NELL2: variants seen among roughly 807,000 people sequenced by gnomAD.
The protein encoded by NELL2 is neural EGFL like 2, also known as protein kinase C-binding protein NELL2.
Under a neutral mutation model 109.6 loss-of-function variants are expected in NELL2, and 41 were observed. The observed-to-expected ratio is 0.37, with a 90% confidence interval of 0.29 to 0.49. The LOEUF is 0.49. NELL2 is among the 20% of genes least tolerant of loss of function. The pLI, the probability that NELL2 is intolerant of heterozygous loss-of-function variation, is 0.98. For missense variants in NELL2, 900 were observed against 1,008.3 expected (o/e 0.89, Z 1.45); for synonymous variants, 355 against 344.7 (o/e 1.03, Z -0.33).
At chr12:44,619,673 T>C (rs755090109) in intron 13 of NELL2, among the ~76,000 whole-genome samples, 8 of 151,622 alleles carry the variant, frequency 5.3e-5, no homozygotes, top group Non-Finnish European at 1.2e-4. Flanking sequence ...AGGAGGGATG[T>C]TGACAACAAA....
At chr12:44,749,092 C>T (rs1260548946) in intron 9 of NELL2, among the ~76,000 whole-genome samples, 11 of 152,162 alleles carry the variant, frequency 7.2e-5, no homozygotes, top group Non-Finnish European at 1.6e-4. Context: ...AAGTCTGACA[C>T]TTCATTAACA....
rs149668668 is a variant in NELL2 at position 44,750,686 on chromosome 12, C to T, written c.994+24061G>A. The stretch of plus-strand genomic sequence containing the variant: ...GTAATAGCAGCCAAGAACAACAGTG[C>T]GGGTCAAAGCGTTCAGGAAAACCTT... On this transcript the variant is annotated intron_variant, in intron 9 of 19. Coordinates refer to ENST00000429094, the MANE Select transcript of NELL2 (RefSeq NM_001145108.2). Among the ~76,000 whole-genome samples, 1,116 of 152,072 alleles carry T rather than the reference C, an allele frequency of 7.3e-3. 9 individuals carry two copies. The highest frequency in any genetic ancestry group is 0.021 in the African/African-American group (873 of 41,474).
In NELL2 at chr12:44,617,691, C is replaced by CAAAAAAA. The variant is rs975070930; in HGVS notation, c.1445-6728_1445-6722dup. 1.9e-3 allele frequency among the ~76,000 whole-genome samples: 42 copies of CAAAAAAA among 22,244 alleles called. 2 individuals are homozygous for CAAAAAAA. The South Asian group carries it at 0.025, about 13-fold the overall frequency. 14.6% of individuals were successfully genotyped at this position (22,244 alleles called of 152,430 possible). On this transcript the variant is annotated intron_variant, in intron 13 of 19. Transcript: ENST00000429094. ...TGGGCGACAGAGCGAGACTCCGTCTCAAAAAAAAAAAAAAAAAAAAAAGAA... is the reference window on the plus strand; with the variant it reads ...TGGGCGACAGAGCGAGACTCCGTCTCAAAAAAAAAAAAAAAAAAAAAAAAAAAAAGAA...
chr12:44,891,484 A>G (rs1275115786), intron 1 of NELL2, among the ~76,000 whole-genome samples: 1 of 152,224 alleles, frequency 6.6e-6, no homozygotes, highest in East Asian at 1.9e-4. Flanking sequence ...CTCGGACCCA[A>G]TGGGGCCATG....
chr12:44,704,584 T>C (rs927825858), intron 11 of NELL2, among the ~76,000 whole-genome samples: 46 of 152,322 alleles, frequency 3.0e-4, no homozygotes, highest in African/African-American at 1.0e-3. Flanking sequence ...TCTAAGATGC[T>C]GAAATGAAAT....
At chr12:44,769,073 A>G (rs1941446980) in intron 9 of NELL2, among the ~76,000 whole-genome samples, 1 of 152,142 alleles carries the variant, frequency 6.6e-6, no homozygotes, top group Admixed American at 6.6e-5. Flanking sequence ...ATGTTCAGAA[A>G]TCTCTGATTC....
chr12:44,731,224 T>C (rs12311992), intron 9 of NELL2, among the ~76,000 whole-genome samples: 2,471 of 152,096 alleles, frequency 0.016, 66 homozygotes, highest in African/African-American at 0.057. Context: ...TTGAAGAAAA[T>C]TGAACACTTC....
At chr12:44,664,240 G>T (rs1947847786) in intron 13 of NELL2, among the ~76,000 whole-genome samples, 1 of 151,932 alleles carries the variant, frequency 6.6e-6, no homozygotes, top group African/African-American at 2.4e-5. Context: ...AAAAAATGAA[G>T]AATTGTTTCC....
intron 9 of NELL2, among the ~76,000 whole-genome samples, chr12:44,746,007 A>G (rs1940326930): frequency 6.6e-6 from 1 of 152,182 alleles, no homozygotes; most frequent in Non-Finnish European, 1.5e-5. Flanking sequence ...CTAAGCCAAA[A>G]GAACAAAGCT....
At chr12:44,827,411 GTTTT>G (rs35241789) in intron 2 of NELL2, among the ~76,000 whole-genome samples, 2 of 126,646 alleles carry the variant, frequency 1.6e-5, no homozygotes, top group Non-Finnish European at 3.2e-5. Flanking sequence ...TCTTCTAACT[GTTTT>G]TTTTTTTTTT....
chr12:44,617,442 C>T lies in NELL2; in HGVS notation c.1445-6472G>A, dbSNP rs1173843771. ...GTGGCTCACGCCTGTAATCCCAGCA[C>T]TTTGGGAGGCCGAGGCGGGCGGATC... On this transcript the variant is annotated intron_variant, in intron 13 of 19. Coordinates refer to ENST00000429094, the MANE Select transcript of NELL2 (RefSeq NM_001145108.2). Among the ~76,000 whole-genome samples the T allele has an allele frequency of 1.9e-5, 2 of 106,096 alleles. 1 individual carries two copies. The highest frequency in any genetic ancestry group is 1.7e-4 in the Admixed American group (2 of 11,896). The allele number at this position is 106,096 out of a possible 152,430, so 69.6% of individuals were successfully genotyped here. A position where few individuals can be genotyped will look rare whatever the true frequency, so the allele number is the denominator to read the frequency against.
At chr12:44,745,109 T>A (rs1940253373) in intron 9 of NELL2, among the ~76,000 whole-genome samples, 1 of 152,150 alleles carries the variant, frequency 6.6e-6, no homozygotes, top group Admixed American at 6.5e-5. Context: ...TCCACCATAA[T>A]CGAGTGGGCT....
intron 9 of NELL2, among the ~76,000 whole-genome samples, chr12:44,730,151 T>C (rs1453922332): frequency 2.0e-5 from 3 of 152,164 alleles, no homozygotes. Context: ...CAAACACTGA[T>C]AGACTTGAAG....
At chr12:44,796,782 G>A (rs868238136) in intron 3 of NELL2, among the ~76,000 whole-genome samples, 1 of 152,046 alleles carries the variant, frequency 6.6e-6, no homozygotes, top group South Asian at 2.1e-4. Context: ...GTAGCAAATT[G>A]AATTAATTCA....
At chr12:44,694,595 A>T (rs1335838919) in intron 12 of NELL2, among the ~76,000 whole-genome samples, 1 of 150,722 alleles carries the variant, frequency 6.6e-6, no homozygotes, top group African/African-American at 2.4e-5. Context: ...CTAATACAGT[A>T]TCCTTAGACT....
chr12:44,522,884 G>A (rs1941603188), intron 17 of NELL2: 1 of 169,458 alleles, frequency 5.9e-6, no homozygotes, highest in African/African-American at 2.4e-5. Context: ...CATGTGGATA[G>A]ATAAATACAT....
At chr12:44,523,744 T>C (rs1473416720) in intron 16 of NELL2, 2 of 451,022 alleles carry the variant, frequency 4.4e-6, no homozygotes, top group African/African-American at 4.0e-5. Flanking sequence ...GTAAATAACA[T>C]TAGGCTTTAT....
At chr12:44,681,663 C>T (rs917218161) in intron 12 of NELL2, among the ~76,000 whole-genome samples, 9 of 151,794 alleles carry the variant, frequency 5.9e-5, no homozygotes, top group African/African-American at 1.9e-4. Flanking sequence ...TGAGAATATG[C>T]GGTGTTTGGT....
chr12:44,597,287 C>G (rs1165357539), intron 15 of NELL2, among the ~76,000 whole-genome samples: 1 of 152,064 alleles, frequency 6.6e-6, no homozygotes, highest in Non-Finnish European at 1.5e-5. Context: ...AAAAAATATT[C>G]CTGATGAAGA....
Sources: gnomAD v4.1 joint callset for allele counts (sites outside exome capture counted in the v4.1 genomes callset) on GRCh38, gnomAD v4.1.1 for gene constraint, MANE v1.5 for transcripts, NCBI Gene and HGNC (gene_info 2026-07-23, HGNC 2026-07-21) for gene names.